Variants in BTBD7 observed in about 807,000 individuals in gnomAD.
BTBD7 encodes BTB/POZ domain-containing protein 7.
In BTBD7, 38 loss-of-function variants were observed where a neutral mutation model predicts 99.9. The ratio of observed to expected loss-of-function variants is 0.38; its 90% confidence interval spans 0.29 to 0.50. The LOEUF (loss-of-function observed/expected upper bound fraction) is 0.50. BTBD7 is among the 20% of genes least tolerant of loss of function. The pLI is 0.93. For missense variants in BTBD7, 1,170 were observed against 1,394.6 expected (o/e 0.84, Z 2.57); for synonymous variants, 520 against 511.4 (o/e 1.02, Z -0.23).
At position 93,304,877 on chromosome 14, in the gene BTBD7, G is replaced by A. The variant is rs1400096795; in HGVS notation, c.-106-8720C>T. ...TCCACTAGTAGAGCTGGAGAGATAAGCAAACATGCTGGGTGAACCCTAGAG... is the reference window on the plus strand; with the variant it reads ...TCCACTAGTAGAGCTGGAGAGATAAACAAACATGCTGGGTGAACCCTAGAG... On this transcript the variant is annotated intron_variant, in intron 1 of 10. Coordinates refer to ENST00000334746, the MANE Select transcript of BTBD7 (RefSeq NM_001002860.4). 3.9e-5 allele frequency among the ~76,000 whole-genome samples: 6 copies of A among 152,230 alleles called. No homozygotes were observed. In the East Asian group the frequency reaches 1.2e-3, roughly 29 times the overall value.
At chr14:93,332,763 C>A in intron 1 of BTBD7, 57 bp downstream of exon 1, 1 of 1,450,674 alleles carries the variant, frequency 6.9e-7, no homozygotes, top group Non-Finnish European at 9.0e-7. Context: ...GGACGCCCCG[C>A]GCCACACCGG....
intron 1 of BTBD7, among the ~76,000 whole-genome samples, chr14:93,318,037 C>T (rs531696837): frequency 1.3e-5 from 2 of 152,288 alleles, no homozygotes; most frequent in South Asian, 4.1e-4. Context: ...TGGGCATTTT[C>T]GCTTTGTATT....
At position 93,300,750 on chromosome 14, in the gene BTBD7, GTGTGTGTGTGTGTGTGTGTGTGTATA is replaced by G. The variant is rs1566857071; in HGVS notation, c.-106-4619_-106-4594del. Among the ~76,000 whole-genome samples the G allele has an allele frequency of 1.9e-3, 156 of 80,416 alleles. 10 individuals are homozygous for G. Among genetic ancestry groups the G allele is most frequent in the South Asian group, 5.2e-3 (12 of 2,290 alleles). The allele number at this position is 80,416 out of a possible 152,430, so 52.8% of individuals were successfully genotyped here. A position where few individuals can be genotyped will look rare whatever the true frequency, so the allele number is the denominator to read the frequency against. ...TGTGTGTGTGTGTGTGTGTGTGTGT[GTGTGTGTGTGTGTGTGTGTGTGTATA>G]TATATATATATTTTTTTTTTGTAGA... On this transcript the variant is annotated intron_variant, in intron 1 of 10. Coordinates refer to ENST00000334746, the MANE Select transcript of BTBD7 (RefSeq NM_001002860.4).
intron 3 of BTBD7, among the ~76,000 whole-genome samples, chr14:93,278,730 G>C (rs540466770): frequency 6.6e-6 from 1 of 152,194 alleles, no homozygotes; most frequent in Non-Finnish European, 1.5e-5. Context: ...GTCTGCTGTT[G>C]ACTGAAACAT....
chr14:93,304,155 C>T (rs1428391712), intron 1 of BTBD7, among the ~76,000 whole-genome samples: 1 of 152,302 alleles, frequency 6.6e-6, no homozygotes, highest in East Asian at 1.9e-4. Context: ...GTGATGGGGC[C>T]TGCCATTTGG....
chr14:93,305,025 A>G (rs896960345), intron 1 of BTBD7, among the ~76,000 whole-genome samples: 1 of 152,208 alleles, frequency 6.6e-6, no homozygotes, highest in South Asian at 2.1e-4. Flanking sequence ...TAGATCATTA[A>G]AGGAATAGGC....
intron 1 of BTBD7, among the ~76,000 whole-genome samples, chr14:93,325,306 C>T (rs537694760): frequency 2.0e-5 from 3 of 151,880 alleles, no homozygotes; most frequent in African/African-American, 7.3e-5. Context: ...GATGGGGTTT[C>T]GCCATGTTGG....
At chr14:93,300,700 T>G (rs1331847923) in intron 1 of BTBD7, among the ~76,000 whole-genome samples, 1 of 140,254 alleles carries the variant, frequency 7.1e-6, no homozygotes, top group Non-Finnish European at 1.5e-5. Flanking sequence ...CATGCCCAGC[T>G]AATTTGTGTG....
intron 3 of BTBD7, among the ~76,000 whole-genome samples, chr14:93,272,781 C>T (rs143523806): frequency 3.1e-4 from 47 of 152,304 alleles, no homozygotes; most frequent in Admixed American, 3.9e-4. Flanking sequence ...TCTGCACTGT[C>T]GGTCCTTAGA....
chr14:93,301,480 G>A (rs530285891), intron 1 of BTBD7, among the ~76,000 whole-genome samples: 2 of 151,808 alleles, frequency 1.3e-5, no homozygotes, highest in African/African-American at 2.4e-5. Context: ...GTGAGCCACC[G>A]TGCCCAGCCA....
chr14:93,249,987 T>G (rs2052353350), intron 8 of BTBD7, among the ~76,000 whole-genome samples: 1 of 152,262 alleles, frequency 6.6e-6, no homozygotes, highest in Non-Finnish European at 1.5e-5. Context: ...TTACTCATGG[T>G]GCTTCATTAA....
intron 1 of BTBD7, among the ~76,000 whole-genome samples, chr14:93,313,283 A>T (rs1291907283): frequency 1.3e-5 from 2 of 152,230 alleles, no homozygotes; most frequent in Non-Finnish European, 2.9e-5. Context: ...ACCACCAAAA[A>T]TAGTCAAGTC....
At chr14:93,326,052 A>C (rs1289582268) in intron 1 of BTBD7, among the ~76,000 whole-genome samples, 1 of 152,208 alleles carries the variant, frequency 6.6e-6, no homozygotes, top group East Asian at 1.9e-4. Context: ...TAAAAAAACA[A>C]AAACAAAAAA....
At chr14:93,259,381 AACAGTGAGATC>A (rs1040963145) in intron 5 of BTBD7, among the ~76,000 whole-genome samples, 1 of 152,188 alleles carries the variant, frequency 6.6e-6, no homozygotes, top group African/African-American at 2.4e-5. Flanking sequence ...GGCCATCTTG[AACAGTGAGATC>A]ACGAAAACAT....
Sources: allele counts gnomAD v4.1 joint callset (sites outside exome capture counted in the v4.1 genomes callset), GRCh38; gene constraint gnomAD v4.1.1; transcripts MANE v1.5; gene names NCBI Gene and HGNC (gene_info 2026-07-23, HGNC 2026-07-21).